RXFP1: variants seen among roughly 807,000 people sequenced by gnomAD.
The protein encoded by RXFP1 is relaxin family peptide receptor 1, also known as relaxin receptor 1.
A neutral mutation model predicts 89.8 loss-of-function variants in RXFP1; 73 were observed. That is an observed-to-expected ratio of 0.81 (90% CI 0.67 to 0.99). The LOEUF (loss-of-function observed/expected upper bound fraction) is 0.99, where lower values mean the gene tolerates loss of function less well. Ranked by LOEUF, RXFP1 falls within the 50% of genes least tolerant of loss-of-function variation. The probability of loss-of-function intolerance (pLI) is 0.00; values close to 1 mark genes in which losing one functional copy is unlikely to be tolerated. For missense variants in RXFP1, 793 were observed against 895.5 expected (o/e 0.89, Z 1.46); for synonymous variants, 277 against 305.5 (o/e 0.91, Z 0.97).
At chr4:158,529,584 A>G (rs1330318252) in intron 1 of RXFP1, among the ~76,000 whole-genome samples, 1 of 152,042 alleles carries the variant, frequency 6.6e-6, no homozygotes, top group Non-Finnish European at 1.5e-5. Flanking sequence ...ATCCTGCTAC[A>G]TGCTTGGGTT....
chr4:158,542,103 A>ATTTT (rs1421636915), intron 1 of RXFP1, among the ~76,000 whole-genome samples: 3 of 41,590 alleles, frequency 7.2e-5, no homozygotes, highest in Non-Finnish European at 1.1e-4. Flanking sequence ...ATATATATAT[A>ATTTT]TATATATTTT....
intron 1 of RXFP1, among the ~76,000 whole-genome samples, chr4:158,534,539 G>A (rs761916701): frequency 1.3e-5 from 2 of 152,092 alleles, no homozygotes; most frequent in Non-Finnish European, 2.9e-5. Flanking sequence ...GAGCCACCGC[G>A]CCCGGCCTTA....
Position 158,572,581 on chromosome 4 carries a change from A to G in RXFP1, c.50-117A>G, listed in dbSNP as rs1755315145. The G allele has an allele frequency of 5.5e-6, 5 of 903,478 alleles. No individual in the cohort carries two copies. In the East Asian group the frequency reaches 1.2e-4, roughly 22 times the overall value. The allele number at this position is 903,478 out of a possible 1,614,324, so 56.0% of individuals were successfully genotyped here. A position where few individuals can be genotyped will look rare whatever the true frequency, so the allele number is the denominator to read the frequency against. On this transcript the variant is annotated intron_variant, in intron 1 of 17. Coordinates refer to ENST00000307765, the MANE Select transcript of RXFP1 (RefSeq NM_021634.4). The stretch of plus-strand genomic sequence containing the variant: ...AGAAAATAACTGGCATCAGGGTTGT[A>G]TGTAGAAACCATGATGAGAAAGACA...
Position 158,651,990 on chromosome 4 carries a change from C to T in RXFP1, c.2209C>T (p.Leu737Phe), listed in dbSNP as rs1303405027. Reference sequence around the variant, plus strand: ...GCCACCTGAGTTAATGAAGCCGGACCTTTTCACATACCCCTGTGAAATGTC... The same window carrying T: ...GCCACCTGAGTTAATGAAGCCGGACTTTTTCACATACCCCTGTGAAATGTC... Reference protein sequence around the residue: ...EMPPELMKPDLFTYPCEMSLI... With the variant: ...EMPPELMKPDFFTYPCEMSLI... Residue 737 changes from leucine to phenylalanine, a missense_variant, in exon 18 of 18, where the codon CTT becomes TTT. By Grantham distance (22) the Leu-to-Phe change is conservative. Transcript: ENST00000307765. The T allele has an allele frequency of 1.2e-6, 2 of 1,614,064 alleles. No individual in the cohort carries two copies. The highest frequency in any genetic ancestry group is 1.7e-6 in the Non-Finnish European group (2 of 1,180,034).
At chr4:158,600,270 C>T (rs1329617381) in intron 4 of RXFP1, among the ~76,000 whole-genome samples, 1 of 152,128 alleles carries the variant, frequency 6.6e-6, no homozygotes, top group Non-Finnish European at 1.5e-5. Context: ...TCAAACCAAA[C>T]CACATAATAC....
intron 3 of RXFP1, among the ~76,000 whole-genome samples, chr4:158,593,811 T>C (rs1414342014): frequency 1.3e-5 from 2 of 152,330 alleles, no homozygotes; most frequent in African/African-American, 2.4e-5. Flanking sequence ...TGACTTCTCT[T>C]TTCACAATCA....
intron 14 of RXFP1, among the ~76,000 whole-genome samples, chr4:158,640,761 G>A (rs1770224468): frequency 6.6e-6 from 1 of 152,132 alleles, no homozygotes; most frequent in Admixed American, 6.6e-5. Flanking sequence ...TGAAGAGGAA[G>A]GAATTTATAT....
At position 158,596,533 on chromosome 4, in the gene RXFP1, T is replaced by TACAG. The variant is rs1454380447; in HGVS notation, c.287-2792_287-2789dup. On this transcript the variant is annotated intron_variant, in intron 3 of 17. Transcript: ENST00000307765. Reference sequence around the variant, plus strand: ...CCTCAGCCTCCCGAAGTGCTGGGATTACAGGCATGAGCCACTGCGCCTGGT... The same window carrying TACAG: ...CCTCAGCCTCCCGAAGTGCTGGGATTACAGACAGGCATGAGCCACTGCGCCTGGT... Among the ~76,000 whole-genome samples, 9 of 152,338 alleles carry TACAG rather than the reference T, an allele frequency of 5.9e-5. No individual in the cohort carries two copies. The East Asian group carries it at 1.3e-3, about 23-fold the overall frequency.
intron 9 of RXFP1, among the ~76,000 whole-genome samples, chr4:158,623,304 G>C (rs1561150031): frequency 1.4e-5 from 2 of 148,044 alleles, no homozygotes; most frequent in African/African-American, 5.1e-5. Flanking sequence ...TTTGAGACTA[G>C]CCTGACTAAC....
In RXFP1 at chr4:158,601,511, A is replaced by G. The variant is rs939272880; in HGVS notation, c.392+2080A>G. 4.6e-5 allele frequency among the ~76,000 whole-genome samples: 7 copies of G among 152,310 alleles called. No individual in the cohort carries two copies. In the East Asian group the frequency reaches 1.4e-3, roughly 29 times the overall value. ...TTTTATTTTTTGTTCAAAAAATAGC[A>G]TTATCTTGTGCTTTAGGTTGAGCCA... On this transcript the variant is annotated intron_variant, in intron 4 of 17. Coordinates refer to ENST00000307765, the MANE Select transcript of RXFP1 (RefSeq NM_021634.4).
At chr4:158,588,021 A>G (rs1758639989) in intron 2 of RXFP1, among the ~76,000 whole-genome samples, 1 of 152,184 alleles carries the variant, frequency 6.6e-6, no homozygotes, top group African/African-American at 2.4e-5. Context: ...CTGCAAAACT[A>G]GGAAAGGAAG....
chr4:158,574,195 AAGGTACTATTTTGGG>A (rs1228399188), intron 2 of RXFP1, among the ~76,000 whole-genome samples: 1 of 152,226 alleles, frequency 6.6e-6, no homozygotes, highest in African/African-American at 2.4e-5. Flanking sequence ...GTCAAGAAAT[AAGGTACTATTTTGGG>A]AGGACTAAAA....
intron 5 of RXFP1, chr4:158,607,220 A>G: frequency 1.1e-6 from 1 of 902,542 alleles, no homozygotes; most frequent in Non-Finnish European, 1.8e-6. Context: ...ACCTCCAGTT[A>G]ACTCAAGGTC....
At chr4:158,604,771 A>G (rs1762275001) in intron 4 of RXFP1, among the ~76,000 whole-genome samples, 1 of 152,214 alleles carries the variant, frequency 6.6e-6, no homozygotes, top group Admixed American at 6.5e-5. Flanking sequence ...ATGTTTGTTA[A>G]ATACAAATAG....
intron 1 of RXFP1, among the ~76,000 whole-genome samples, chr4:158,560,379 ACTCCTTCTATTGCTGTCCCTACATG>A (rs1404682579): frequency 2.6e-5 from 4 of 151,838 alleles, no homozygotes; most frequent in Non-Finnish European, 5.9e-5. Context: ...GATAGCATGG[ACTCCTTCTATTGCTGTCCCTACATG>A]CCCCATCAGT....
chr4:158,566,640 A>G (rs1395599897), intron 1 of RXFP1, among the ~76,000 whole-genome samples: 1 of 152,236 alleles, frequency 6.6e-6, no homozygotes, highest in African/African-American at 2.4e-5. Flanking sequence ...CTGGGATTAC[A>G]GGCATAAGCC....
intron 2 of RXFP1, among the ~76,000 whole-genome samples, chr4:158,584,939 A>G (rs971151070): frequency 6.6e-6 from 1 of 152,220 alleles, no homozygotes; most frequent in Non-Finnish European, 1.5e-5. Context: ...TAACGTTGGC[A>G]GACATCTAAT....
At chr4:158,586,965 A>G (rs1454314391) in intron 2 of RXFP1, among the ~76,000 whole-genome samples, 1 of 152,210 alleles carries the variant, frequency 6.6e-6, no homozygotes, top group Non-Finnish European at 1.5e-5. Context: ...GATCTGCTAA[A>G]GAAGCCGAGT....
chr4:158,648,690 C>A lies in RXFP1; in HGVS notation c.1948C>A (p.Leu650Ile). 1.9e-6 allele frequency: 3 copies of A among 1,601,914 alleles called. No individual in the cohort carries two copies. The highest frequency in any genetic ancestry group is 1.1e-5 in the South Asian group (1 of 89,770). The change falls in exon 17 of 18, where the codon CTT (leucine) becomes ATT (isoleucine). Residue 650 changes from leucine (L) to isoleucine (I), a missense_variant. Physicochemically the swap from Leu to Ile is conservative, Grantham distance 5. Coordinates refer to ENST00000307765, the MANE Select transcript of RXFP1 (RefSeq NM_021634.4). ...GATACCCATTTTTGTAGTGAAATTT[C>A]TTTCACTGCTTCAGGTAGAAATACC... is the stretch of plus-strand genomic sequence containing the variant. ...CWIPIFVVKF[L>I]SLLQVEIPGT... is the part of the protein sequence containing the mutation.
Sources: gnomAD v4.1 joint callset for allele counts (sites outside exome capture counted in the v4.1 genomes callset) on GRCh38, gnomAD v4.1.1 for gene constraint, MANE v1.5 for transcripts, NCBI Gene and HGNC (gene_info 2026-07-23, HGNC 2026-07-21) for gene names.